Variants in CNTNAP2 observed in about 807,000 individuals in gnomAD.
CNTNAP2 encodes contactin associated protein 2, also known as contactin-associated protein-like 2.
In CNTNAP2, 98 loss-of-function variants were observed where a neutral mutation model predicts 155.2. The observed-to-expected ratio is 0.63, with a 90% CI of 0.54 to 0.75. CNTNAP2 has a LOEUF of 0.75. CNTNAP2 is among the 30% of genes least tolerant of loss of function. The pLI is 0.00. For synonymous variants in CNTNAP2, 651 were observed against 631.2 expected (o/e 1.03, Z -0.47); for missense variants, 1,727 against 1,688.1 (o/e 1.02, Z -0.40).
intron 3 of CNTNAP2, among the ~76,000 whole-genome samples, chr7:146,866,824 G>A (rs1795214512): frequency 6.6e-6 from 1 of 152,058 alleles, no homozygotes; most frequent in African/African-American, 2.4e-5. Flanking sequence ...ATACTCACAT[G>A]ATGGAAAACA....
At chr7:146,488,103 G>T (rs540480271) in intron 1 of CNTNAP2, among the ~76,000 whole-genome samples, 2 of 152,142 alleles carry the variant, frequency 1.3e-5, no homozygotes, top group African/African-American at 4.8e-5. Context: ...TAAACATTTG[G>T]ATCATACCTT....
chr7:146,415,379 T>G (rs1410581271), intron 1 of CNTNAP2, among the ~76,000 whole-genome samples: 1 of 152,210 alleles, frequency 6.6e-6, no homozygotes. Context: ...TGTGTTACAA[T>G]ATTAGGAATT....
At chr7:148,269,084 C>T (rs969569680) in intron 21 of CNTNAP2, among the ~76,000 whole-genome samples, 6 of 151,982 alleles carry the variant, frequency 3.9e-5, no homozygotes, top group East Asian at 3.9e-4. Flanking sequence ...CACACCAGTC[C>T]GGCTGGAGAG....
At chr7:148,006,570 C>CG (rs1801983961) in intron 15 of CNTNAP2, among the ~76,000 whole-genome samples, 1 of 149,962 alleles carries the variant, frequency 6.7e-6, no homozygotes, top group African/African-American at 2.5e-5. Context: ...CTGCCTGCCT[C>CG]GGCCTTCCAA....
chr7:146,639,469 C>T (rs990019448), intron 1 of CNTNAP2, among the ~76,000 whole-genome samples: 1 of 152,152 alleles, frequency 6.6e-6, no homozygotes, highest in African/African-American at 2.4e-5. Context: ...TCTGATTATT[C>T]CCATTTTATG....
At chr7:146,671,429 TCACACA>T (rs147594471) in intron 1 of CNTNAP2, among the ~76,000 whole-genome samples, 29 of 148,394 alleles carry the variant, frequency 2.0e-4, no homozygotes, top group African/African-American at 6.6e-4. Flanking sequence ...TTTTTGTCAC[TCACACA>T]CACACACACA....
At chr7:147,957,602 G>A (rs1801040215) in intron 14 of CNTNAP2, among the ~76,000 whole-genome samples, 1 of 152,128 alleles carries the variant, frequency 6.6e-6, no homozygotes, top group African/African-American at 2.4e-5. Context: ...GTAGGTCACT[G>A]TGGTCCAGAA....
intron 14 of CNTNAP2, among the ~76,000 whole-genome samples, chr7:147,921,061 G>C (rs190769423): frequency 8.6e-5 from 13 of 151,674 alleles, no homozygotes; most frequent in African/African-American, 2.9e-4. Context: ...TGCCCACCTC[G>C]GCCTCCCAAA....
At chr7:147,742,994 A>T (rs1019477368) in intron 13 of CNTNAP2, among the ~76,000 whole-genome samples, 1 of 152,244 alleles carries the variant, frequency 6.6e-6, no homozygotes, top group Non-Finnish European at 1.5e-5. Flanking sequence ...CAGTTTCATC[A>T]CACAGTAAAA....
At chr7:146,735,422 G>C (rs1801595821) in intron 1 of CNTNAP2, among the ~76,000 whole-genome samples, 1 of 152,024 alleles carries the variant, frequency 6.6e-6, no homozygotes, top group African/African-American at 2.4e-5. Flanking sequence ...AGGCGTTGTG[G>C]CGGGGGCCTG....
At chr7:146,664,664 T>G (rs556876623) in intron 1 of CNTNAP2, among the ~76,000 whole-genome samples, 1 of 152,328 alleles carries the variant, frequency 6.6e-6, no homozygotes, top group African/African-American at 2.4e-5. Context: ...GCTCATAAAA[T>G]GAATTGGAAA....
chr7:148,327,692 C>T (rs1797916404), intron 21 of CNTNAP2, among the ~76,000 whole-genome samples: 2 of 152,170 alleles, frequency 1.3e-5, no homozygotes, highest in Non-Finnish European at 2.9e-5. Context: ...TTATAATAGA[C>T]ACTCACTGTC....
At chr7:147,771,690 G>T (rs1432975517) in intron 13 of CNTNAP2, among the ~76,000 whole-genome samples, 1 of 152,000 alleles carries the variant, frequency 6.6e-6, no homozygotes, top group Non-Finnish European at 1.5e-5. Context: ...GTCTTCATAT[G>T]TGTTTTAGGC....
At chr7:146,699,407 G>A (rs1800837671) in intron 1 of CNTNAP2, among the ~76,000 whole-genome samples, 1 of 152,110 alleles carries the variant, frequency 6.6e-6, no homozygotes, top group Admixed American at 6.6e-5. Flanking sequence ...TTATGCAGGA[G>A]TTCTGCTGAT....
intron 13 of CNTNAP2, among the ~76,000 whole-genome samples, chr7:147,812,872 T>C (rs923017624): frequency 2.0e-5 from 3 of 152,178 alleles, no homozygotes; most frequent in African/African-American, 7.2e-5. Context: ...GCTCTGCTGG[T>C]GTAGACTAAC....
In CNTNAP2 at chr7:147,784,494, AATAT is replaced by A. The variant is rs10528525; in HGVS notation, c.2099-119018_2099-119015del. Among the ~76,000 whole-genome samples, 277 of 44,746 alleles carry A rather than the reference AATAT, an allele frequency of 6.2e-3. 2 individuals are homozygous for A. The highest frequency in any genetic ancestry group is 0.012 in the Non-Finnish European group (177 of 14,656). 29.4% of individuals were successfully genotyped at this position (44,746 alleles called of 152,430 possible). A position where few individuals can be genotyped will look rare whatever the true frequency, so the allele number is the denominator to read the frequency against. On this transcript the variant is annotated intron_variant, in intron 13 of 23. Coordinates refer to ENST00000361727, the MANE Select transcript of CNTNAP2 (RefSeq NM_014141.6). ...CTCTTAATATTCTGGGCTCTGGACTAATATATATATATATATATATATATATATA... is the reference window on the plus strand; with the variant it reads ...CTCTTAATATTCTGGGCTCTGGACTAATATATATATATATATATATATATA...
chr7:146,225,212 C>G (rs147821338), intron 1 of CNTNAP2, among the ~76,000 whole-genome samples: 1 of 152,022 alleles, frequency 6.6e-6, no homozygotes, highest in African/African-American at 2.4e-5. Flanking sequence ...AAATATAACT[C>G]GAAACACTGA....
At chr7:146,967,963 T>C (rs1165880638) in intron 3 of CNTNAP2, among the ~76,000 whole-genome samples, 11 of 148,024 alleles carry the variant, frequency 7.4e-5, no homozygotes, top group Non-Finnish European at 1.5e-4. Context: ...AGATAGCTCT[T>C]ATTATTTTGA....
In CNTNAP2 at chr7:147,346,611, TGAA is replaced by T. The variant is rs1184736154; in HGVS notation, c.1498+46324_1498+46326del. ...ATGCAAATGAGTTGTGTGAATGTGG[TGAA>T]GAGAGAGTTGCAGGATGTTCAGATA... is the stretch of plus-strand genomic sequence containing the variant. On this transcript the variant is annotated intron_variant, in intron 9 of 23. Coordinates refer to ENST00000361727, the MANE Select transcript of CNTNAP2 (RefSeq NM_014141.6). 9.8e-5 allele frequency among the ~76,000 whole-genome samples: 15 copies of T among 152,350 alleles called. No individual in the cohort carries two copies. The East Asian group carries it at 2.9e-3, about 29-fold the overall frequency.
Sources: allele counts gnomAD v4.1 joint callset (sites outside exome capture counted in the v4.1 genomes callset), GRCh38; gene constraint gnomAD v4.1.1; transcripts MANE v1.5; gene names NCBI Gene and HGNC (gene_info 2026-07-23, HGNC 2026-07-21).